Variants in RIMS2 observed in about 807,000 individuals in gnomAD.
RIMS2 encodes regulating synaptic membrane exocytosis protein 2.
In RIMS2, 59 loss-of-function variants were observed where a neutral mutation model predicts 174.4. The ratio of observed to expected loss-of-function variants is 0.34; its 90% CI spans 0.27 to 0.42. The LOEUF (loss-of-function observed/expected upper bound fraction) is 0.42. Ranked by LOEUF, RIMS2 falls within the 10% of genes least tolerant of loss-of-function variation. RIMS2 has a pLI of 1.00. For synonymous variants in RIMS2, 606 were observed against 572.5 expected (o/e 1.06, Z -0.84); for missense variants, 1,620 against 1,666.3 (o/e 0.97, Z 0.48).
At chr8:103,767,013 A>G (rs2098180803) in intron 3 of RIMS2, among the ~76,000 whole-genome samples, 2 of 152,170 alleles carry the variant, frequency 1.3e-5, no homozygotes, top group South Asian at 4.1e-4. Flanking sequence ...TCAGGTTTAT[A>G]GTGAAGGATT....
chr8:103,766,463 G>A (rs779198551), exon 3 of RIMS2: 20 of 1,613,696 alleles, frequency 1.2e-5, no homozygotes, highest in Admixed American at 1.7e-5. Context: ...GATCTCATGG[G>A]CTCACAAGAC....
At chr8:103,912,670 G>T (rs187123865) in intron 6 of RIMS2, among the ~76,000 whole-genome samples, 144 of 152,106 alleles carry the variant, frequency 9.5e-4, no homozygotes, top group African/African-American at 3.3e-3. Flanking sequence ...AGTACTGTTT[G>T]AATTCTAAAA....
chr8:104,240,581 T>C (rs1425699482), intron 19 of RIMS2, among the ~76,000 whole-genome samples: 3 of 152,234 alleles, frequency 2.0e-5, no homozygotes, highest in Non-Finnish European at 2.9e-5. Flanking sequence ...TGTCAGATGA[T>C]AGTGATTAGC....
At chr8:103,503,535 T>G (rs1287550797) in intron 1 of RIMS2, among the ~76,000 whole-genome samples, 1 of 152,006 alleles carries the variant, frequency 6.6e-6, no homozygotes, top group Non-Finnish European at 1.5e-5. Context: ...TTGTTTCTTT[T>G]TAGTGCTGTT....
intron 19 of RIMS2, among the ~76,000 whole-genome samples, chr8:104,116,287 G>A (rs999779496): frequency 6.6e-5 from 10 of 152,138 alleles, no homozygotes; most frequent in African/African-American, 2.4e-4. Context: ...TCTATAAATT[G>A]TGTAGAATAC....
At chr8:103,664,772 C>G (rs1471692997) in intron 1 of RIMS2, among the ~76,000 whole-genome samples, 1 of 152,178 alleles carries the variant, frequency 6.6e-6, no homozygotes, top group Non-Finnish European at 1.5e-5. Flanking sequence ...AATCCTATTA[C>G]TGGGTATAAG....
intron 19 of RIMS2, among the ~76,000 whole-genome samples, chr8:104,157,127 T>C (rs1005684): frequency 0.041 from 6,298 of 152,268 alleles, 297 homozygotes; most frequent in East Asian, 0.15. Flanking sequence ...TTTAAAAATA[T>C]TGAATCATGC....
chr8:103,552,417 T>G (rs1848420848), intron 1 of RIMS2, among the ~76,000 whole-genome samples: 1 of 152,174 alleles, frequency 6.6e-6, no homozygotes, highest in Non-Finnish European at 1.5e-5. Context: ...TGAAATTGGA[T>G]CCCTTCTTTA....
chr8:103,786,824 C>G (rs1314642068), intron 3 of RIMS2, among the ~76,000 whole-genome samples: 1 of 152,048 alleles, frequency 6.6e-6, no homozygotes, highest in Non-Finnish European at 1.5e-5. Context: ...CCTGGGTATC[C>G]TTTTTGACTT....
intron 4 of RIMS2, 73 bp downstream of exon 7, chr8:103,886,296 G>A (rs1009219207): frequency 1.6e-5 from 21 of 1,310,130 alleles, no homozygotes; most frequent in South Asian, 3.0e-5. Flanking sequence ...GCATTTCTGA[G>A]TGAAAATTTA....
At chr8:104,183,944 A>C (rs2136060150) in intron 19 of RIMS2, among the ~76,000 whole-genome samples, 1 of 151,728 alleles carries the variant, frequency 6.6e-6, no homozygotes, top group South Asian at 2.1e-4. Flanking sequence ...TATAACACTT[A>C]ATAGCAGCTT....
In RIMS2 at chr8:103,989,441, A is replaced by G. The variant is rs766148721; in HGVS notation, c.3044+20A>G. On this transcript the variant is annotated intron_variant, in intron 17 of 23. Coordinates refer to ENST00000504942, the Ensembl canonical transcript of RIMS2. ...AGACAGGTAAATATGATTAAATACT[A>G]TTAGACCTTATTATTAATATAATCA... is the stretch of plus-strand genomic sequence containing the variant. The G allele has an allele frequency of 3.4e-6, 4 of 1,183,608 alleles. No homozygotes were observed. The South Asian group carries it at 5.1e-5, about 15-fold the overall frequency. 73.3% of individuals were successfully genotyped at this position (1,183,608 alleles called of 1,614,324 possible).
chr8:104,238,427 G>C (rs2099270230), intron 19 of RIMS2, among the ~76,000 whole-genome samples: 1 of 151,128 alleles, frequency 6.6e-6, no homozygotes, highest in African/African-American at 2.4e-5. Flanking sequence ...TAACAAACCT[G>C]TATGTTCTGC....
At chr8:104,077,989 C>A (rs2097331787) in intron 19 of RIMS2, among the ~76,000 whole-genome samples, 1 of 151,138 alleles carries the variant, frequency 6.6e-6, no homozygotes, top group Non-Finnish European at 1.5e-5. Flanking sequence ...CTAAAAATAC[C>A]AAAAATTACC....
chr8:103,917,558 A>G (rs969028048), intron 8 of RIMS2, among the ~76,000 whole-genome samples: 1 of 152,202 alleles, frequency 6.6e-6, no homozygotes, highest in African/African-American at 2.4e-5. Context: ...TAAAGAATTT[A>G]TAGTTCTTTA....
At chr8:104,238,062 A>G (rs916815454) in intron 19 of RIMS2, among the ~76,000 whole-genome samples, 3 of 152,226 alleles carry the variant, frequency 2.0e-5, no homozygotes, top group East Asian at 1.9e-4. Context: ...ATGCCCGTCA[A>G]TGATAGACTG....
At chr8:103,961,569 G>A (rs1006655311) in intron 15 of RIMS2, among the ~76,000 whole-genome samples, 26 of 152,102 alleles carry the variant, frequency 1.7e-4, no homozygotes, top group Non-Finnish European at 3.7e-4. Flanking sequence ...GTACAGCTAC[G>A]TTTTGAAATT....
At chr8:104,159,128 C>T (rs1467911703) in intron 19 of RIMS2, among the ~76,000 whole-genome samples, 1 of 152,126 alleles carries the variant, frequency 6.6e-6, no homozygotes, top group Non-Finnish European at 1.5e-5. Context: ...AGCCAGTTTT[C>T]CCAGCACCAT....
At chr8:103,978,887 T>C (rs2093668648) in intron 16 of RIMS2, among the ~76,000 whole-genome samples, 2 of 152,210 alleles carry the variant, frequency 1.3e-5, no homozygotes, top group South Asian at 4.1e-4. Flanking sequence ...TCTTTTTGTG[T>C]ATCTCAGTAT....
Sources: allele counts gnomAD v4.1 joint callset (sites outside exome capture counted in the v4.1 genomes callset), GRCh38; gene constraint gnomAD v4.1.1; transcripts MANE v1.5; gene names NCBI Gene and HGNC (gene_info 2026-07-23, HGNC 2026-07-21).